The following MBLAC2 variants were observed in gnomAD, a reference collection of about 807,000 sequenced individuals.
MBLAC2 encodes the protein acyl-coenzyme A thioesterase MBLAC2.
MBLAC2 carries 24 observed loss-of-function variants against 23.3 expected under a neutral mutation model. The observed-to-expected ratio is 1.03, with a 90% CI of 0.75 to 1.45. The LOEUF (loss-of-function observed/expected upper bound fraction) is 1.45. Among genes scored for constraint, MBLAC2 ranks in the 40% most tolerant of loss-of-function variants. The pLI, the probability that MBLAC2 is intolerant of heterozygous loss-of-function variation, is 0.00. For missense variants in MBLAC2, 358 were observed against 370.0 expected, an observed-to-expected ratio of 0.97 and a Z score of 0.27; for synonymous variants, 162 against 150.9, an observed-to-expected ratio of 1.07 and a Z score of -0.54.
intron 1 of MBLAC2, chr5:90,473,389 T>G: frequency 2.4e-6 from 1 of 411,086 alleles, no homozygotes; most frequent in East Asian, 5.7e-5. Flanking sequence ...ACCAAGCTGA[T>G]GAAGTCTGCA....
chr5:90,474,206 A>T lies in MBLAC2; in HGVS notation c.87T>A (p.Arg29=). The part of the protein sequence containing the change: ...IQERFYESGN[R]ANIWLVRGSE... ...AGCCGCGCACCAGCCAGATGTTGGC[A>T]CGGTTGCCCGACTCGTAGAAACGTT... Residue 29 remains arginine, a synonymous_variant, in exon 1 of 2, where the codon CGT becomes CGA. Transcript: ENST00000316610. 1.2e-6 allele frequency: 2 copies of T among 1,612,186 alleles called. No homozygotes were observed. The highest frequency in any genetic ancestry group is 1.7e-6 in the Non-Finnish European group (2 of 1,179,208).
In MBLAC2 at chr5:90,473,871, T is replaced by G; in HGVS notation, c.422A>C (p.Gln141Pro). 1 of 1,599,464 alleles carries G rather than the reference T, an allele frequency of 6.3e-7. No homozygotes were observed. Among genetic ancestry groups the G allele is most frequent in the Non-Finnish European group, 8.5e-7 (1 of 1,173,612 alleles). Residue 141 changes from glutamine (Q) to proline (P), a missense_variant, in exon 1 of 2, where the codon CAG (glutamine) becomes CCG (proline). Transcript: ENST00000316610. ...PGWRARQFRV[Q>P]AVQPTLILQD... is the part of the protein sequence containing the mutation. Reference sequence around the variant, plus strand: ...CAGGATGAGGGTGGGCTGCACCGCCTGTACCCGGAACTGTCTGGCCCTCCA... The same window carrying G: ...CAGGATGAGGGTGGGCTGCACCGCCGGTACCCGGAACTGTCTGGCCCTCCA...
In MBLAC2 at chr5:90,458,389, C is replaced by T. The variant is rs1386706373; in HGVS notation, c.*2778G>A. 1.3e-5 allele frequency: 2 copies of T among 151,966 alleles called. No homozygotes were observed. Among genetic ancestry groups the T allele is most frequent in the Admixed American group, 1.3e-4 (2 of 15,272 alleles). The allele number at this position is 151,966 out of a possible 1,614,324, so 9.4% of individuals were successfully genotyped here. On this transcript the variant is annotated 3_prime_UTR_variant, in exon 2 of 2. Coordinates refer to ENST00000316610, the MANE Select transcript of MBLAC2 (RefSeq NM_203406.2). ...TTTAGGCTTCTCAGTTGAAAGAAAACATCGAGTAAGGAAAATGAATTTCCA... is the reference window on the plus strand; with the variant it reads ...TTTAGGCTTCTCAGTTGAAAGAAAATATCGAGTAAGGAAAATGAATTTCCA...
rs776427772 is a variant in MBLAC2, at chr5:90,461,219, C to A, written c.788G>T (p.Arg263Leu). 1.2e-5 allele frequency: 20 copies of A among 1,613,194 alleles called. No individual in the cohort carries two copies. The highest frequency in any genetic ancestry group is 1.5e-5 in the Non-Finnish European group (18 of 1,179,700). The change falls in exon 2 of 2, where the codon CGA (arginine) becomes CTA (leucine). Residue 263 changes from arginine (R) to leucine (L), a missense_variant. Transcript: ENST00000316610. ...ACGTAGAGCTAAACTTGCAAGAGAT[C>A]GCATGGCAAAAGTAGAAACTTTGTG... Reference protein sequence around the residue: ...ICHKVSTFAMRSLASLALRVT... With the variant: ...ICHKVSTFAMLSLASLALRVT...
In MBLAC2 at chr5:90,474,361, A is replaced by G; in HGVS notation, c.-69T>C. 1 of 1,414,532 alleles carries G rather than the reference A, an allele frequency of 7.1e-7. No homozygotes were observed. The highest frequency in any genetic ancestry group is 9.9e-7 in the Non-Finnish European group (1 of 1,012,860). The allele number at this position is 1,414,532 out of a possible 1,614,324, so 87.6% of individuals were successfully genotyped here. A position where few individuals can be genotyped will look rare whatever the true frequency, so the allele number is the denominator to read the frequency against. On this transcript the variant is annotated 5_prime_UTR_variant, in exon 1 of 2. Coordinates refer to ENST00000316610, the MANE Select transcript of MBLAC2 (RefSeq NM_203406.2). ...AGTCTCCCACAGGCTGTCCACACAC[A>G]GGGCACTGCGGCTGTGTGAAGCGGT...
At chr5:90,472,715 T>A (rs1750579141) in intron 1 of MBLAC2, 1 of 152,204 alleles carries the variant, frequency 6.6e-6, no homozygotes, top group Non-Finnish European at 1.5e-5. Flanking sequence ...GTAATTAAAA[T>A]GATCTCACGC....
chr5:90,471,711 A>C (rs1308086956), intron 1 of MBLAC2: 1 of 152,216 alleles, frequency 6.6e-6, no homozygotes, highest in Non-Finnish European at 1.5e-5. Flanking sequence ...AACTGTATAC[A>C]AATTTTTAAT....
At position 90,474,371 on chromosome 5, in the gene MBLAC2, G is replaced by C. The variant is rs1329504237; in HGVS notation, c.-79C>G. ...AGGCTGTCCACACACAGGGCACTGC[G>C]GCTGTGTGAAGCGGTCTGCCTGCAG... is the stretch of plus-strand genomic sequence containing the variant. On this transcript the variant is annotated 5_prime_UTR_variant, in exon 1 of 2. Coordinates refer to ENST00000316610, the MANE Select transcript of MBLAC2 (RefSeq NM_203406.2). 7.5e-7 allele frequency: 1 copy of C among 1,336,498 alleles called. No homozygotes were observed. Among genetic ancestry groups the C allele is most frequent in the Non-Finnish European group, 1.1e-6 (1 of 946,780 alleles). The allele number at this position is 1,336,498 out of a possible 1,614,324, so 82.8% of individuals were successfully genotyped here.
Position 90,469,797 on chromosome 5 carries a change from C to T in MBLAC2, c.454+4042G>A, listed in dbSNP as rs540400391. 5.3e-5 allele frequency among the ~76,000 whole-genome samples: 8 copies of T among 152,270 alleles called. No individual in the cohort carries two copies. In the South Asian group the frequency reaches 1.7e-3, roughly 32 times the overall value. On this transcript the variant is annotated intron_variant, in intron 1 of 1. Coordinates refer to ENST00000316610, the MANE Select transcript of MBLAC2 (RefSeq NM_203406.2). ...CTGTTAGTGGGGATGTAAATTAGTA[C>T]AGCAACTACGGAAAATGGTATGGAG...
chr5:90,468,532 G>C (rs1184445908), intron 1 of MBLAC2, among the ~76,000 whole-genome samples: 1 of 151,942 alleles, frequency 6.6e-6, no homozygotes, highest in Non-Finnish European at 1.5e-5. Flanking sequence ...ATATGTCCTT[G>C]ATTTCCAGAT....
rs566113284 is a variant in MBLAC2, at chr5:90,473,610, C to T, written c.454+229G>A. 1.2e-4 allele frequency: 83 copies of T among 674,808 alleles called. 3 individuals are homozygous for T. In the South Asian group the frequency reaches 1.3e-3, roughly 11 times the overall value. The allele number at this position is 674,808 out of a possible 1,614,324, so 41.8% of individuals were successfully genotyped here. A position where few individuals can be genotyped will look rare whatever the true frequency, so the allele number is the denominator to read the frequency against. On this transcript the variant is annotated intron_variant, in intron 1 of 1. Transcript: ENST00000316610. ...GGTGGTGCCGGCTTTCAAAGGAGTA[C>T]TCAGAATCTCTACACGATGCCAGAG...
At position 90,474,436 on chromosome 5, in the gene MBLAC2, C is replaced by CG; in HGVS notation, c.-145dup. 4.1e-6 allele frequency: 3 copies of CG among 732,776 alleles called. No individual in the cohort carries two copies. Among genetic ancestry groups the CG allele is most frequent in the Non-Finnish European group, 4.5e-6 (2 of 441,100 alleles). 45.4% of individuals were successfully genotyped at this position (732,776 alleles called of 1,614,324 possible). A position where few individuals can be genotyped will look rare whatever the true frequency, so the allele number is the denominator to read the frequency against. On this transcript the variant is annotated 5_prime_UTR_variant, in exon 1 of 2. Coordinates refer to ENST00000316610, the MANE Select transcript of MBLAC2 (RefSeq NM_203406.2). ...TAGAGCGAGGCGGGGGCGTGGGATG[C>CG]GGGGGTCGGAATAGGAGGAGGAAGG...
rs114494714 is a variant in MBLAC2, at chr5:90,459,850, A to G, written c.*1317T>C. On this transcript the variant is annotated 3_prime_UTR_variant, in exon 2 of 2. Coordinates refer to ENST00000316610, the MANE Select transcript of MBLAC2 (RefSeq NM_203406.2). ...AAGAACCTGGGCATCTGTAGGGTAG[A>G]AAAGTTTTGTAATTTTTCAGAAACC... 1,423 of 152,672 alleles carry G rather than the reference A, an allele frequency of 9.3e-3. 16 individuals carry two copies. The highest frequency in any genetic ancestry group is 0.013 in the Non-Finnish European group (907 of 67,990). The allele number at this position is 152,672 out of a possible 1,614,324, so 9.5% of individuals were successfully genotyped here.
chr5:90,470,748 G>C (rs1217393533), intron 1 of MBLAC2, among the ~76,000 whole-genome samples: 1 of 125,976 alleles, frequency 7.9e-6, no homozygotes, highest in Non-Finnish European at 1.7e-5. Context: ...TAGAAAACTA[G>C]CGCGCGCGCA....
chr5:90,464,350 T>C (rs1471348506), intron 1 of MBLAC2, among the ~76,000 whole-genome samples: 1 of 152,154 alleles, frequency 6.6e-6, no homozygotes, highest in Admixed American at 6.5e-5. Context: ...GTGGGAGGAC[T>C]GCTTGAGGCC....
rs967184084 is a variant in MBLAC2, at chr5:90,474,408, G to A, written c.-116C>T. Reference sequence around the variant, plus strand: ...CGGTCTGCCTGCAGCCAGGGAGGAGGCGTAGAGCGAGGCGGGGGCGTGGGA... The same window carrying A: ...CGGTCTGCCTGCAGCCAGGGAGGAGACGTAGAGCGAGGCGGGGGCGTGGGA... On this transcript the variant is annotated 5_prime_UTR_variant, in exon 1 of 2. Coordinates refer to ENST00000316610, the MANE Select transcript of MBLAC2 (RefSeq NM_203406.2). The A allele has an allele frequency of 3.3e-5, 31 of 952,932 alleles. No individual in the cohort carries two copies. The African/African-American group carries it at 5.0e-4, about 15-fold the overall frequency. The allele number at this position is 952,932 out of a possible 1,614,324, so 59.0% of individuals were successfully genotyped here. A position where few individuals can be genotyped will look rare whatever the true frequency, so the allele number is the denominator to read the frequency against.
In MBLAC2 at chr5:90,459,144, T is replaced by A. The variant is rs1750313642; in HGVS notation, c.*2023A>T. 1 of 152,576 alleles carries A rather than the reference T, an allele frequency of 6.6e-6. No individual in the cohort carries two copies. The highest frequency in any genetic ancestry group is 2.4e-5 in the African/African-American group (1 of 41,450). The allele number at this position is 152,576 out of a possible 1,614,324, so 9.5% of individuals were successfully genotyped here. On this transcript the variant is annotated 3_prime_UTR_variant, in exon 2 of 2. Coordinates refer to ENST00000316610, the MANE Select transcript of MBLAC2 (RefSeq NM_203406.2). ...GCTTTATTTAAGGCTTAGTAAGTGA[T>A]TATTTGTAGTTGCCCTGAACCAAAT... is the stretch of plus-strand genomic sequence containing the variant.
At position 90,465,676 on chromosome 5, in the gene MBLAC2, G is replaced by A. The variant is rs529623343; in HGVS notation, c.455-4124C>T. 3.9e-5 allele frequency among the ~76,000 whole-genome samples: 6 copies of A among 152,252 alleles called. No individual in the cohort carries two copies. The South Asian group carries it at 1.0e-3, about 26-fold the overall frequency. On this transcript the variant is annotated intron_variant, in intron 1 of 1. Coordinates refer to ENST00000316610, the MANE Select transcript of MBLAC2 (RefSeq NM_203406.2). ...CTCACTGTAACCCCTGAACTCCTGG[G>A]CTCAAGGGATCCTTCCAAGTAGCTG...
intron 1 of MBLAC2, among the ~76,000 whole-genome samples, chr5:90,462,690 A>T (rs1750385350): frequency 6.6e-6 from 1 of 152,220 alleles, no homozygotes. Flanking sequence ...ATAAATAACA[A>T]TTATAAATGT....
Sources: allele counts gnomAD v4.1 joint callset (sites outside exome capture counted in the v4.1 genomes callset), GRCh38; gene constraint gnomAD v4.1.1; transcripts MANE v1.5; gene names NCBI Gene and HGNC (gene_info 2026-07-23, HGNC 2026-07-21).